RPH3AL: variants seen among roughly 807,000 people sequenced by gnomAD.
RPH3AL encodes rab effector Noc2.
RPH3AL carries 38 observed loss-of-function variants against 43.1 expected under a neutral mutation model. The observed-to-expected ratio is 0.88, with a 90% CI of 0.68 to 1.15. The LOEUF (loss-of-function observed/expected upper bound fraction) is 1.15, where lower values mean the gene tolerates loss of function less well. Among genes scored for constraint, RPH3AL ranks in the 50% most tolerant of loss-of-function variants. The pLI, the probability that RPH3AL is intolerant of heterozygous loss-of-function variation, is 0.00. For synonymous variants in RPH3AL, 189 were observed against 176.3 expected, an observed-to-expected ratio of 1.07 and a Z score of -0.57; for missense variants, 462 against 423.2, an observed-to-expected ratio of 1.09 and a Z score of -0.81.
intron 1 of RPH3AL, 118 bp downstream of exon 1, chr17:352,594 T>A (rs1053074916): frequency 6.6e-6 from 1 of 152,160 alleles, no homozygotes; most frequent in Admixed American, 6.5e-5. Context: ...GACACAAACC[T>A]TTTCCCCGGA....
At position 262,324 on chromosome 17, in the gene RPH3AL, T is replaced by C. The variant is rs113029431; in HGVS notation, c.439-15039A>G. Among the ~76,000 whole-genome samples, 352 of 152,162 alleles carry C rather than the reference T, an allele frequency of 2.3e-3. 1 individual carries two copies. Among genetic ancestry groups the C allele is most frequent in the African/African-American group, 8.0e-3 (334 of 41,550 alleles). ...ACCTCCGCCTCCCGGGTTCAAGCAA[T>C]TCTGCCTCAGCCTCCTGAGTAGCTG... is the stretch of plus-strand genomic sequence containing the variant. On this transcript the variant is annotated intron_variant, in intron 6 of 9. Coordinates refer to ENST00000331302, the MANE Select transcript of RPH3AL (RefSeq NM_006987.4).
intron 6 of RPH3AL, among the ~76,000 whole-genome samples, chr17:267,119 G>A (rs1183431505): frequency 6.6e-6 from 1 of 152,246 alleles, no homozygotes; most frequent in Non-Finnish European, 1.5e-5. Context: ...TCTTCCCTCT[G>A]GTCCTGCGCG....
At chr17:296,288 A>G (rs1272256290) in intron 5 of RPH3AL, among the ~76,000 whole-genome samples, 2 of 13,374 alleles carry the variant, frequency 1.5e-4, no homozygotes, top group Non-Finnish European at 1.3e-4. Context: ...AAATGGATGG[A>G]CAGAGGGAAT....
chr17:258,998 AG>A (rs2042137824), intron 6 of RPH3AL, among the ~76,000 whole-genome samples: 1 of 152,142 alleles, frequency 6.6e-6, no homozygotes, highest in South Asian at 2.1e-4. Flanking sequence ...TATGCCCAGA[AG>A]GGGCAATAAT....
chr17:219,450 G>A (rs2040896486), intron 8 of RPH3AL, among the ~76,000 whole-genome samples, 173 bp downstream of exon 8: 1 of 150,590 alleles, frequency 6.6e-6, no homozygotes, highest in African/African-American at 2.4e-5. Context: ...GCCCACCCCG[G>A]CCTCCTAAAG....
intron 6 of RPH3AL, among the ~76,000 whole-genome samples, chr17:270,990 G>C (rs1462496219): frequency 6.6e-6 from 1 of 152,110 alleles, no homozygotes; most frequent in Non-Finnish European, 1.5e-5. Flanking sequence ...AGCTTTCCAC[G>C]TATGGCTAGC....
chr17:304,590 C>G (rs1044504016), intron 5 of RPH3AL, among the ~76,000 whole-genome samples: 1 of 152,118 alleles, frequency 6.6e-6, no homozygotes, highest in Non-Finnish European at 1.5e-5. Flanking sequence ...CTCTGAGCAG[C>G]TGGTGCCTGG....
chr17:311,487 G>A (rs2043645447), intron 5 of RPH3AL, among the ~76,000 whole-genome samples: 1 of 152,098 alleles, frequency 6.6e-6, no homozygotes, highest in African/African-American at 2.4e-5. Flanking sequence ...TGGCTGCTCT[G>A]AGTCCTGGGA....
chr17:308,798 T>C (rs1008105131), intron 5 of RPH3AL, among the ~76,000 whole-genome samples: 2 of 152,144 alleles, frequency 1.3e-5, no homozygotes, highest in Admixed American at 1.3e-4. Context: ...AGAGACCCCA[T>C]CAGCACCTGA....
chr17:298,600 G>A (rs961927659), intron 5 of RPH3AL, among the ~76,000 whole-genome samples: 3 of 152,030 alleles, frequency 2.0e-5, no homozygotes, highest in African/African-American at 7.2e-5. Flanking sequence ...AGCTACTCGG[G>A]AGGCTGAGGC....
chr17:348,763 G>T (rs2045297327), intron 1 of RPH3AL: 1 of 152,186 alleles, frequency 6.6e-6, no homozygotes, highest in Non-Finnish European at 1.5e-5. Context: ...TACTGTCCAT[G>T]CCTGTGTTCC....
intron 7 of RPH3AL, among the ~76,000 whole-genome samples, chr17:223,248 C>G (rs4442878): frequency 0.23 from 35,094 of 151,736 alleles, 4,944 homozygotes; most frequent in Non-Finnish European, 0.3. Flanking sequence ...ACAATTGTCT[C>G]TTTTCTGCCT....
At chr17:276,383 T>C (rs2042655769) in intron 6 of RPH3AL, among the ~76,000 whole-genome samples, 1 of 152,184 alleles carries the variant, frequency 6.6e-6, no homozygotes, top group Non-Finnish European at 1.5e-5. Context: ...TCTTTTGTTT[T>C]ATTTTAGAGA....
intron 7 of RPH3AL, among the ~76,000 whole-genome samples, chr17:220,432 G>C (rs879240275): frequency 1.4e-4 from 12 of 84,936 alleles, no homozygotes; most frequent in Middle Eastern, 0.01. Flanking sequence ...CCTCCACTCG[G>C]TGAGACAATA....
chr17:281,160 T>G (rs1377747974), intron 6 of RPH3AL, among the ~76,000 whole-genome samples: 1 of 152,132 alleles, frequency 6.6e-6, no homozygotes, highest in Non-Finnish European at 1.5e-5. Flanking sequence ...CAAATGGGGT[T>G]GGAACTAGAA....
chr17:252,496 GT>G (rs1555542936), intron 6 of RPH3AL, among the ~76,000 whole-genome samples: 1 of 152,036 alleles, frequency 6.6e-6, no homozygotes, highest in Non-Finnish European at 1.5e-5. Flanking sequence ...TTCCCACCCT[GT>G]CCCCCAACAC....
intron 7 of RPH3AL, among the ~76,000 whole-genome samples, chr17:240,098 G>C (rs570725058): frequency 6.6e-6 from 1 of 152,164 alleles, no homozygotes; most frequent in South Asian, 2.1e-4. Flanking sequence ...TTAGCGGGGC[G>C]TGGTGGTGCA....
rs1033421452 is a variant in RPH3AL at position 215,394 on chromosome 17, T to C, written c.876+260A>G. 6.6e-6 allele frequency among the ~76,000 whole-genome samples: 1 copy of C among 152,108 alleles called. No homozygotes were observed. The highest frequency in any genetic ancestry group is 2.4e-5 in the African/African-American group (1 of 41,430). ...TCGCCCCAGGGGAGCCCGACACGTT[T>C]TATGTAGCAGAGGATGGTAACCACT... is the stretch of plus-strand genomic sequence containing the variant. On this transcript the variant is annotated intron_variant, in intron 9 of 9. Coordinates refer to ENST00000331302, the MANE Select transcript of RPH3AL (RefSeq NM_006987.4). The surrounding 1 kb of genome is among the most constrained non-coding windows in gnomAD (Gnocchi z 4.1).
At position 272,985 on chromosome 17, in the gene RPH3AL, T is replaced by TCAGGAAGAGACCCCAGCGAGGGTG. The variant is rs1567604470; in HGVS notation, c.438+8782_438+8783insCACCCTCGCTGGGGTCTCTTCCTG. 9.1e-4 allele frequency among the ~76,000 whole-genome samples: 33 copies of TCAGGAAGAGACCCCAGCGAGGGTG among 36,374 alleles called. 2 individuals carry two copies. Among genetic ancestry groups the TCAGGAAGAGACCCCAGCGAGGGTG allele is most frequent in the African/African-American group, 2.2e-3 (25 of 11,418 alleles). 23.9% of individuals were successfully genotyped at this position (36,374 alleles called of 152,430 possible). On this transcript the variant is annotated intron_variant, in intron 6 of 9. Coordinates refer to ENST00000331302, the MANE Select transcript of RPH3AL (RefSeq NM_006987.4). ...GTCAGGGTGAGACCCCAGCAAGGGC[T>TCAGGAAGAGACCCCAGCGAGGGTG]ACGTCAGGGTGAGACCCCAGCGAGG...
Sources: allele counts gnomAD v4.1 joint callset (sites outside exome capture counted in the v4.1 genomes callset), GRCh38; gene constraint gnomAD v4.1.1; non-coding constraint Gnocchi (gnomAD v3.1); transcripts MANE v1.5; gene names NCBI Gene and HGNC (gene_info 2026-07-23, HGNC 2026-07-21).